The following RFX8 variants were observed in gnomAD, a reference collection of about 807,000 sequenced individuals.
RFX8 encodes the protein DNA-binding protein RFX8.
Under a neutral mutation model 54.6 loss-of-function variants are expected in RFX8, and 46 were observed. The observed-to-expected ratio is 0.84, with a 90% CI of 0.67 to 1.08. RFX8 has a LOEUF of 1.08. Ranked by LOEUF, RFX8 falls within the 50% of genes least tolerant of loss-of-function variation. The probability of loss-of-function intolerance (pLI) is 0.00; values close to 1 mark genes in which losing one functional copy is unlikely to be tolerated. For missense variants in RFX8, 536 were observed against 562.3 expected (o/e 0.95, Z 0.47); for synonymous variants, 192 against 209.5 (o/e 0.92, Z 0.72).
Position 101,417,628 on chromosome 2 carries a change from C to A in RFX8, c.408G>T (p.Leu136=). 1 of 1,551,276 alleles carries A rather than the reference C, an allele frequency of 6.4e-7. No individual in the cohort carries two copies. The change falls in exon 6 of 12, where the codon CTG becomes CTT. Residue 136 remains leucine, a synonymous_variant. Transcript: ENST00000428343. Reference sequence around the variant, plus strand: ...TCTTACTAAATAACTGCACAGATTTCAGGTACTGAATAGAAACATCTTCCA... The same window carrying A: ...TCTTACTAAATAACTGCACAGATTTAAGGTACTGAATAGAAACATCTTCCA... The part of the protein sequence containing the change: ...DFLEDVSIQY[L]KSVQLFSKKF...
At chr2:101,410,591 T>TC in intron 9 of RFX8, 28 bp downstream of exon 9, 1 of 1,240,810 alleles carries the variant, frequency 8.1e-7, no homozygotes, top group South Asian at 1.4e-5. Flanking sequence ...CAACACACTT[T>TC]TTTTTTTTTT....
chr2:101,453,238 C>T (rs1427059016), intron 2 of RFX8, among the ~76,000 whole-genome samples: 1 of 149,882 alleles, frequency 6.7e-6, no homozygotes, highest in Non-Finnish European at 1.5e-5. Flanking sequence ...GATCATGCCA[C>T]TGCACTCCAG....
At chr2:101,436,430 T>A (rs1687788015) in intron 2 of RFX8, among the ~76,000 whole-genome samples, 1 of 152,162 alleles carries the variant, frequency 6.6e-6, no homozygotes, top group African/African-American at 2.4e-5. Context: ...TCAGTGACTC[T>A]GAGAACTGAT....
chr2:101,421,540 G>T (rs1686862691), intron 4 of RFX8, 184 bp downstream of exon 4: 2 of 1,304,740 alleles, frequency 1.5e-6, no homozygotes, highest in South Asian at 2.5e-5. Flanking sequence ...ACTGAATATC[G>T]ATCTCACCTT....
At chr2:101,439,840 T>C (rs1687993791) in intron 2 of RFX8, among the ~76,000 whole-genome samples, 1 of 152,058 alleles carries the variant, frequency 6.6e-6, no homozygotes, top group Admixed American at 6.6e-5. Flanking sequence ...CCTCCCGACA[T>C]GCTAGAATGA....
chr2:101,438,442 C>G (rs1306855509), intron 2 of RFX8, among the ~76,000 whole-genome samples: 2 of 152,126 alleles, frequency 1.3e-5, no homozygotes, highest in Non-Finnish European at 2.9e-5. Flanking sequence ...GAGTAGTGTT[C>G]CACAGTATGG....
intron 2 of RFX8, among the ~76,000 whole-genome samples, chr2:101,427,062 A>G (rs1687213341): frequency 6.6e-6 from 1 of 152,112 alleles, no homozygotes; most frequent in Non-Finnish European, 1.5e-5. Flanking sequence ...CACGTTTGTC[A>G]TCACCTCCCG....
intron 2 of RFX8, among the ~76,000 whole-genome samples, chr2:101,441,503 T>C (rs748735141): frequency 1.3e-5 from 2 of 152,238 alleles, no homozygotes; most frequent in Middle Eastern, 3.2e-3. Context: ...AGAGGGTCCC[T>C]GTCAGCAAGA....
intron 2 of RFX8, among the ~76,000 whole-genome samples, chr2:101,462,446 T>C (rs892846676): frequency 6.6e-6 from 1 of 152,158 alleles, no homozygotes; most frequent in African/African-American, 2.4e-5. Flanking sequence ...AGGGGGGATA[T>C]GGTTAAATAA....
chr2:101,413,299 A>G (rs1238036309), intron 7 of RFX8, among the ~76,000 whole-genome samples: 2 of 152,206 alleles, frequency 1.3e-5, no homozygotes, highest in Admixed American at 6.5e-5. Flanking sequence ...AGATGCGTTC[A>G]GGGCTGTCTG....
rs70946645 is a variant in RFX8, at chr2:101,440,966, ATTTT to A, written c.73-18498_73-18495del. Reference sequence around the variant, plus strand: ...TGTCCCCTCTGAAACCCATGTTGAAATTTTTTTTTTTTTTTTTTGAGACAGAGTC... The same window carrying A: ...TGTCCCCTCTGAAACCCATGTTGAAATTTTTTTTTTTTTTGAGACAGAGTC... On this transcript the variant is annotated intron_variant, in intron 2 of 11. Coordinates refer to ENST00000428343, the MANE Select transcript of RFX8 (RefSeq NM_001145664.2). 6.2e-5 allele frequency among the ~76,000 whole-genome samples: 7 copies of A among 113,460 alleles called. 1 individual carries two copies. In the South Asian group the frequency reaches 8.7e-4, roughly 14 times the overall value. The allele number at this position is 113,460 out of a possible 152,430, so 74.4% of individuals were successfully genotyped here.
intron 2 of RFX8, among the ~76,000 whole-genome samples, chr2:101,442,538 C>T (rs1324885123): frequency 2.0e-5 from 3 of 151,160 alleles, no homozygotes; most frequent in Non-Finnish European, 4.4e-5. Flanking sequence ...CTTATCTCAG[C>T]CCTTGAAACC....
intron 2 of RFX8, chr2:101,429,020 C>T (rs1242106785): frequency 3.3e-6 from 5 of 1,525,444 alleles, no homozygotes; most frequent in Non-Finnish European, 4.4e-6. Flanking sequence ...GGCATCTCCA[C>T]TGTGAAGGAA....
At chr2:101,409,959 A>G (rs1472129495) in intron 9 of RFX8, among the ~76,000 whole-genome samples, 1 of 152,126 alleles carries the variant, frequency 6.6e-6, no homozygotes, top group Non-Finnish European at 1.5e-5. Context: ...AACTCCCAAG[A>G]GCCACATTGG....
chr2:101,443,674 T>C (rs1294429859), intron 2 of RFX8, among the ~76,000 whole-genome samples: 1 of 152,146 alleles, frequency 6.6e-6, no homozygotes, highest in East Asian at 1.9e-4. Flanking sequence ...CCCTGGGTTT[T>C]CTTTTTGTCT....
intron 2 of RFX8, among the ~76,000 whole-genome samples, chr2:101,430,814 A>T (rs1245501294): frequency 5.3e-5 from 8 of 152,204 alleles, no homozygotes; most frequent in Non-Finnish European, 1.0e-4. Context: ...AAAAACAACA[A>T]ATAATAAATC....
chr2:101,410,089 C>G, intron 9 of RFX8, among the ~76,000 whole-genome samples: 1 of 152,058 alleles, frequency 6.6e-6, no homozygotes. Context: ...CTGAAATAGA[C>G]AAAACCCCTC....
intron 2 of RFX8, chr2:101,429,063 C>T (rs1687345446): frequency 8.1e-7 from 1 of 1,239,326 alleles, no homozygotes; most frequent in Non-Finnish European, 1.1e-6. Flanking sequence ...AGCAAGACAC[C>T]TGTCTCTGAG....
At chr2:101,417,436 C>T (rs1345529227) in intron 6 of RFX8, 98 bp downstream of exon 6, 4 of 1,147,200 alleles carry the variant, frequency 3.5e-6, no homozygotes, top group African/African-American at 3.1e-5. Flanking sequence ...AAACTCCTGG[C>T]CTCAAGCGAT....
Sources: allele counts gnomAD v4.1 joint callset (sites outside exome capture counted in the v4.1 genomes callset), GRCh38; gene constraint gnomAD v4.1.1; transcripts MANE v1.5; gene names NCBI Gene and HGNC (gene_info 2026-07-23, HGNC 2026-07-21).